MOV10L1: variants seen among roughly 807,000 people sequenced by gnomAD.
MOV10L1 encodes Mov10 like RNA helicase 1.
Under a neutral mutation model 143.8 loss-of-function variants are expected in MOV10L1, and 110 were observed. The observed-to-expected ratio is 0.76, with a 90% confidence interval of 0.66 to 0.90. The LOEUF is 0.90. Among genes scored for constraint, MOV10L1 ranks in the 40% least tolerant of loss-of-function variants. The pLI, the probability that MOV10L1 is intolerant of heterozygous loss-of-function variation, is 0.00. For synonymous variants in MOV10L1, 593 were observed against 581.1 expected, an observed-to-expected ratio of 1.02 and a Z score of -0.29; for missense variants, 1,406 against 1,526.8, an observed-to-expected ratio of 0.92 and a Z score of 1.32.
At chr22:50,141,083 G>T (rs181894749) in intron 15 of MOV10L1, among the ~76,000 whole-genome samples, 9 of 150,874 alleles carry the variant, frequency 6.0e-5, no homozygotes, top group Admixed American at 1.3e-4. Flanking sequence ...ACAGAGTCTC[G>T]CTCTGTCGCC....
intron 13 of MOV10L1, among the ~76,000 whole-genome samples, chr22:50,130,188 T>A (rs1191335292): frequency 6.6e-6 from 1 of 152,042 alleles, no homozygotes; most frequent in Non-Finnish European, 1.5e-5. Context: ...GGCAGGAGAA[T>A]TGCTTGAACC....
rs1317589874 is a variant in MOV10L1 at position 50,159,524 on chromosome 22, C to T, written c.3217-154C>T. The stretch of plus-strand genomic sequence containing the variant: ...GGCTGAGGCAGGAGAATTGCTTGAA[C>T]CCGGGAGGCAGAGGTTGCAGTGAGC... On this transcript the variant is annotated intron_variant, in intron 23 of 26. Coordinates refer to ENST00000262794, the MANE Select transcript of MOV10L1 (RefSeq NM_018995.3). The surrounding 1 kb of genome is among the most constrained non-coding windows in gnomAD (Gnocchi z 4.1). Among the ~76,000 whole-genome samples the T allele has an allele frequency of 1.3e-5, 2 of 151,992 alleles. No homozygotes were observed. Among genetic ancestry groups the T allele is most frequent in the Non-Finnish European group, 2.9e-5 (2 of 67,984 alleles).
At chr22:50,117,041 T>C (rs1046459371) in intron 8 of MOV10L1, 116 bp from the exon 9 acceptor site, 7 of 894,650 alleles carry the variant, frequency 7.8e-6, no homozygotes, top group Non-Finnish European at 1.0e-5. Context: ...AAAGAATTAT[T>C]GAAGACTAAA....
intron 22 of MOV10L1, among the ~76,000 whole-genome samples, chr22:50,155,573 T>G (rs1389770769): frequency 6.6e-6 from 1 of 152,144 alleles, no homozygotes; most frequent in Non-Finnish European, 1.5e-5. Flanking sequence ...CCTCCCAGTT[T>G]CAAGCAATTC....
At position 50,159,853 on chromosome 22, in the gene MOV10L1, TC is replaced by T. The variant is rs949927289; in HGVS notation, c.3324+69del. On this transcript the variant is annotated intron_variant, in intron 24 of 26. Coordinates refer to ENST00000262794, the MANE Select transcript of MOV10L1 (RefSeq NM_018995.3). This position sits in a 1 kb window ranked among gnomAD's most constrained non-coding sequence, Gnocchi z 4.1. The stretch of plus-strand genomic sequence containing the variant: ...TGCTGCCCTGGGGGTTCTGGGGGCT[TC>T]AGATCTAAAGGGGCAGAGGCTGATT... 5 of 1,098,504 alleles carry T rather than the reference TC, an allele frequency of 4.6e-6. No homozygotes were observed. The Admixed American group carries it at 9.7e-5, about 21-fold the overall frequency. The allele number at this position is 1,098,504 out of a possible 1,614,324, so 68.0% of individuals were successfully genotyped here. A position where few individuals can be genotyped will look rare whatever the true frequency, so the allele number is the denominator to read the frequency against.
chr22:50,145,642 C>T, intron 18 of MOV10L1, 47 bp from the exon 19 acceptor site: 2 of 1,604,968 alleles, frequency 1.2e-6, no homozygotes, highest in Non-Finnish European at 1.7e-6. Flanking sequence ...TGGAATTCTG[C>T]TTAATAATTG....
At chr22:50,113,174 ATCT>A (rs1248907281) in intron 5 of MOV10L1, among the ~76,000 whole-genome samples, 6 of 152,198 alleles carry the variant, frequency 3.9e-5, no homozygotes, top group African/African-American at 1.4e-4. Flanking sequence ...GTAAAATCTC[ATCT>A]TCTCATTTTC....
At position 50,158,409 on chromosome 22, in the gene MOV10L1, TC is replaced by T. The variant is rs1449480067; in HGVS notation, c.3216+204del. 5.2e-6 allele frequency: 3 copies of T among 574,532 alleles called. No individual in the cohort carries two copies. Among genetic ancestry groups the T allele is most frequent in the African/African-American group, 3.8e-5 (2 of 52,078 alleles). The allele number at this position is 574,532 out of a possible 1,614,324, so 35.6% of individuals were successfully genotyped here. A position where few individuals can be genotyped will look rare whatever the true frequency, so the allele number is the denominator to read the frequency against. On this transcript the variant is annotated intron_variant, in intron 23 of 26. Coordinates refer to ENST00000262794, the MANE Select transcript of MOV10L1 (RefSeq NM_018995.3). This position sits in a 1 kb window ranked among gnomAD's most constrained non-coding sequence, Gnocchi z 5.0. ...CCAGTTCCGGGCAGCTGCCAGCTTT[TC>T]TACGGCCAGAGCCTCGAACAGTTTT...
At chr22:50,112,491 C>T (rs1429728704) in intron 5 of MOV10L1, among the ~76,000 whole-genome samples, 3 of 152,166 alleles carry the variant, frequency 2.0e-5, no homozygotes, top group Admixed American at 1.3e-4. Context: ...TCACTAGGGC[C>T]GCTAAGGAGA....
intron 2 of MOV10L1, among the ~76,000 whole-genome samples, chr22:50,097,228 T>A (rs2062612295): frequency 6.6e-6 from 1 of 152,138 alleles, no homozygotes; most frequent in Non-Finnish European, 1.5e-5. Context: ...TCCTTCCACC[T>A]TAGCCACCTG....
chr22:50,103,931 A>G (rs934330625), intron 3 of MOV10L1, among the ~76,000 whole-genome samples: 2 of 152,080 alleles, frequency 1.3e-5, no homozygotes, highest in Non-Finnish European at 2.9e-5. Context: ...CTTTATTTCT[A>G]TTATTATTAT....
Position 50,145,686 on chromosome 22 carries a change from C to T in MOV10L1, c.2506-3C>T. 5 of 1,614,010 alleles carry T rather than the reference C, an allele frequency of 3.1e-6. No individual in the cohort carries two copies. The highest frequency in any genetic ancestry group is 1.6e-4 in the Middle Eastern group (1 of 6,062). On this transcript the variant is annotated splice_polypyrimidine_tract_variant and splice_region_variant and intron_variant, in intron 18 of 26. Coordinates refer to ENST00000262794, the MANE Select transcript of MOV10L1 (RefSeq NM_018995.3). ...AACTAACTCTACGCCTCCTTGCCCC[C>T]AGATAGTTATTGACGCCGTCAAACC...
At chr22:50,149,294 A>G (rs895951158) in intron 19 of MOV10L1, 3 of 328,394 alleles carry the variant, frequency 9.1e-6, no homozygotes, top group Non-Finnish European at 1.7e-5. Flanking sequence ...GCAGGCCAGG[A>G]GCCTGCGGCG....
chr22:50,139,873 C>T (rs1308038657), intron 15 of MOV10L1, among the ~76,000 whole-genome samples: 2 of 152,190 alleles, frequency 1.3e-5, no homozygotes, highest in Non-Finnish European at 2.9e-5. Flanking sequence ...CGTTGGTGAG[C>T]CCGTGGGGCC....
In MOV10L1 at chr22:50,128,479, C is replaced by T. The variant is rs777373866; in HGVS notation, c.1882C>T (p.Pro628Ser). ...PEFEQAYNFE[P>S]MDVEFTYNRT... ...ATTTGAACAAGCCTATAACTTTGAA[C>T]CTATGGATGTGGAATTTACATATAA... is the stretch of plus-strand genomic sequence containing the variant. Residue 628 changes from proline to serine, a missense_variant, in exon 13 of 27, where the codon CCT (proline) becomes TCT (serine). Around this residue, in one of 3 missense-constraint regions of MOV10L1, gnomAD observed 1,233 missense variants for 1,351.4 expected, o/e 0.91. Coordinates refer to ENST00000262794, the MANE Select transcript of MOV10L1 (RefSeq NM_018995.3). 8 of 1,547,928 alleles carry T rather than the reference C, an allele frequency of 5.2e-6. No homozygotes were observed. Among genetic ancestry groups the T allele is most frequent in the Non-Finnish European group, 7.1e-6 (8 of 1,126,520 alleles).
At chr22:50,149,835 C>T (rs2063249016) in intron 20 of MOV10L1, 121 bp downstream of exon 20, 3 of 827,178 alleles carry the variant, frequency 3.6e-6, no homozygotes, top group Non-Finnish European at 3.8e-6. Flanking sequence ...GTGCCAAGGA[C>T]CCCGAGGTGT....
rs768406513 is a variant in MOV10L1 at position 50,092,034 on chromosome 22, T to C, written c.131T>C (p.Val44Ala). The change falls in exon 2 of 27, where the codon GTG (valine) becomes GCG (alanine). Residue 44 changes from valine to alanine, a missense_variant. This residue lies in a region of MOV10L1 where 166 missense variants were observed against 153.9 expected (regional missense o/e 1.08). Coordinates refer to ENST00000262794, the MANE Select transcript of MOV10L1 (RefSeq NM_018995.3). ...AAGCTGAAAACTGTACGGGGTGTCG[T>C]GACAAGGTACTGCAGCGATTATGGC... Reference protein sequence around the residue: ...DTKLKTVRGVVTRYCSDYGMI... With the variant: ...DTKLKTVRGVATRYCSDYGMI... 1 of 1,614,142 alleles carries C rather than the reference T, an allele frequency of 6.2e-7. No homozygotes were observed. Among genetic ancestry groups the C allele is most frequent in the Non-Finnish European group, 8.5e-7 (1 of 1,180,014 alleles).
At chr22:50,130,179 G>A (rs750052010) in intron 13 of MOV10L1, among the ~76,000 whole-genome samples, 10 of 152,128 alleles carry the variant, frequency 6.6e-5, no homozygotes, top group African/African-American at 1.4e-4. Flanking sequence ...GGAGGCTGAG[G>A]CAGGAGAATT....
intron 22 of MOV10L1, among the ~76,000 whole-genome samples, chr22:50,153,661 C>T (rs1327480529): frequency 1.3e-5 from 2 of 152,218 alleles, no homozygotes; most frequent in Non-Finnish European, 2.9e-5. Flanking sequence ...CAGCTGCGAT[C>T]CCGAGCCGTG....
Sources: gnomAD v4.1 joint callset for allele counts (sites outside exome capture counted in the v4.1 genomes callset) on GRCh38, gnomAD v4.1.1 for gene constraint, gnomAD v4.1.1 regional missense constraint, Gnocchi (gnomAD v3.1) non-coding constraint, MANE v1.5 for transcripts, NCBI Gene and HGNC (gene_info 2026-07-23, HGNC 2026-07-21) for gene names.